WDR11: variants seen among roughly 807,000 people sequenced by gnomAD.
WDR11 encodes WD repeat-containing protein 11.
In WDR11, 83 loss-of-function variants were observed where a neutral mutation model predicts 151.2. That is an observed-to-expected ratio of 0.55 (90% CI 0.46 to 0.66). The LOEUF (loss-of-function observed/expected upper bound fraction) is 0.66, where lower values mean the gene tolerates loss of function less well. Ranked by LOEUF, WDR11 falls within the 30% of genes least tolerant of loss-of-function variation. The pLI is 0.00. For missense variants in WDR11, 1,301 were observed against 1,480.9 expected, an observed-to-expected ratio of 0.88 and a Z score of 1.99; for synonymous variants, 484 against 533.1, an observed-to-expected ratio of 0.91 and a Z score of 1.27.
Position 120,871,181 on chromosome 10 carries a change from A to T in WDR11, c.1306A>T (p.Ile436Phe). 6.2e-7 allele frequency: 1 copy of T among 1,614,156 alleles called. No individual in the cohort carries two copies. Among genetic ancestry groups the T allele is most frequent in the Admixed American group, 1.7e-5 (1 of 60,026 alleles). ...SLDNMIGQSA[I>F]AGEEHPRGSI... The stretch of plus-strand genomic sequence containing the variant: ...TTATTACAAATCAGGGCAAAGTGCA[A>T]TTGCTGGGGAAGAACATCCCAGAGG... Residue 436 changes from isoleucine (I) to phenylalanine (F), a missense_variant, in exon 10 of 29, where the codon ATT becomes TTT. Around this residue, in one of 3 missense-constraint regions of WDR11, gnomAD observed 692 missense variants for 762.5 expected, o/e 0.91. Coordinates refer to ENST00000263461, the MANE Select transcript of WDR11 (RefSeq NM_018117.12).
intron 11 of WDR11, among the ~76,000 whole-genome samples, chr10:120,876,045 C>G (rs767866124): frequency 3.9e-4 from 54 of 137,580 alleles, no homozygotes; most frequent in Non-Finnish European, 6.4e-4. Flanking sequence ...ATGGCGCTAT[C>G]TTAGCTCACT....
chr10:120,860,631 G>A (rs1846107165), intron 4 of WDR11, among the ~76,000 whole-genome samples: 2 of 152,180 alleles, frequency 1.3e-5, no homozygotes, highest in Admixed American at 6.5e-5. Context: ...GTTTCATTCA[G>A]TCTGTGGCCA....
At chr10:120,867,229 A>C in intron 9 of WDR11, 60 bp downstream of exon 9, 1 of 1,167,258 alleles carries the variant, frequency 8.6e-7, no homozygotes, top group South Asian at 1.2e-5. Flanking sequence ...CAAAATTAAT[A>C]GAATCACTCA....
chr10:120,907,375 A>G (rs1197728576), intron 28 of WDR11: 1 of 162,430 alleles, frequency 6.2e-6, no homozygotes, highest in East Asian at 1.7e-4. Flanking sequence ...CAGCCAGAAC[A>G]TTTTATTTCT....
intron 13 of WDR11, among the ~76,000 whole-genome samples, chr10:120,882,156 G>A (rs1047850638): frequency 1.6e-4 from 25 of 152,126 alleles, no homozygotes; most frequent in African/African-American, 6.0e-4. Context: ...CACTAATATG[G>A]TGAATTACAT....
In WDR11 at chr10:120,885,480, C is replaced by G. The variant is rs4372362; in HGVS notation, c.1849-334C>G. ...CTATGGATGATAAAGGACCCTGGTTCGAGAACTGTGATTGTCTTATCGTGT... is the reference window on the plus strand; with the variant it reads ...CTATGGATGATAAAGGACCCTGGTTGGAGAACTGTGATTGTCTTATCGTGT... On this transcript the variant is annotated intron_variant, in intron 14 of 28. Coordinates refer to ENST00000263461, the MANE Select transcript of WDR11 (RefSeq NM_018117.12). Among the ~76,000 whole-genome samples, 56,587 of 151,786 alleles carry G rather than the reference C, an allele frequency of 0.37. 10,642 individuals carry two copies. Among genetic ancestry groups the G allele is most frequent in the Admixed American group, 0.44 (6,699 of 15,232 alleles).
chr10:120,879,040 G>A (rs1360426350), intron 12 of WDR11: 1 of 152,168 alleles, frequency 6.6e-6, no homozygotes, highest in Non-Finnish European at 1.5e-5. Context: ...AATAAGGAAA[G>A]AGTTTCAAAT....
rs1316061947 is a variant in WDR11 at position 120,874,189 on chromosome 10, TTTTGTTGTTGTTGTTGTTGTTTG to T, written c.1556+270_1556+292del. 3.7e-3 allele frequency among the ~76,000 whole-genome samples: 371 copies of T among 101,148 alleles called. 8 individuals are homozygous for T. Among genetic ancestry groups the T allele is most frequent in the Non-Finnish European group, 5.8e-3 (278 of 47,988 alleles). 66.4% of individuals were successfully genotyped at this position (101,148 alleles called of 152,430 possible). A position where few individuals can be genotyped will look rare whatever the true frequency, so the allele number is the denominator to read the frequency against. ...GCGGTTTTTGCAGTTTTTTTTTTTT[TTTTGTTGTTGTTGTTGTTGTTTG>T]TTTTGTTTTGTTTTGTTTTTTTTAA... is the stretch of plus-strand genomic sequence containing the variant. On this transcript the variant is annotated intron_variant, in intron 11 of 28. Coordinates refer to ENST00000263461, the MANE Select transcript of WDR11 (RefSeq NM_018117.12).
chr10:120,852,177 A>G, intron 1 of WDR11: 1 of 314,030 alleles, frequency 3.2e-6, no homozygotes, highest in East Asian at 8.1e-5. Flanking sequence ...TAGTCGCAGT[A>G]TCCCCAGGCA....
intron 11 of WDR11, among the ~76,000 whole-genome samples, chr10:120,875,983 T>C (rs1017691568): frequency 6.8e-5 from 10 of 147,688 alleles, no homozygotes; most frequent in African/African-American, 2.5e-4. Context: ...TTTTTCTTTT[T>C]TTTTTTTTTT....
At chr10:120,873,723 G>T in intron 10 of WDR11, 116 bp from the exon 11 acceptor site, 1 of 756,248 alleles carries the variant, frequency 1.3e-6, no homozygotes, top group East Asian at 2.5e-5. Flanking sequence ...CATAGTTTGG[G>T]TTTCTTTTAT....
intron 4 of WDR11, 65 bp from the exon 5 acceptor site, chr10:120,862,670 T>G: frequency 6.6e-7 from 1 of 1,514,648 alleles, no homozygotes; most frequent in Non-Finnish European, 9.2e-7. Flanking sequence ...CAAAATTGTA[T>G]TGGAATAAAA....
At chr10:120,854,776 G>C (rs1845891904) in intron 2 of WDR11, among the ~76,000 whole-genome samples, 1 of 151,980 alleles carries the variant, frequency 6.6e-6, no homozygotes, top group Non-Finnish European at 1.5e-5. Context: ...TGTGCTTATT[G>C]GCCATTTGTA....
At chr10:120,883,717 T>C (rs1224484446) in intron 13 of WDR11, 63 bp from the exon 14 acceptor site, 11 of 1,400,376 alleles carry the variant, frequency 7.9e-6, no homozygotes, top group Middle Eastern at 1.8e-4. Flanking sequence ...ACTTTTTATT[T>C]GCTCTAATTC....
chr10:120,908,475 C>T (rs151080896), intron 28 of WDR11, 81 bp from the exon 29 acceptor site: 12 of 1,487,422 alleles, frequency 8.1e-6, no homozygotes, highest in Non-Finnish European at 1.1e-5. Context: ...GCAGACGCGA[C>T]TCACCCTTCC....
rs1846269714 is a variant in WDR11, at chr10:120,865,194, A to G, written c.861A>G (p.Thr287=). Residue 287 remains threonine, a synonymous_variant, in exon 6 of 29, where the codon ACA becomes ACG. Coordinates refer to ENST00000263461, the MANE Select transcript of WDR11 (RefSeq NM_018117.12). ...QTVGVIAIER[T]GVPFLQVIPC... Reference sequence around the variant, plus strand: ...TGGGTGTGATTGCAATAGAACGCACAGGAGTTCCATTTTTACAGGTATCTA... The same window carrying G: ...TGGGTGTGATTGCAATAGAACGCACGGGAGTTCCATTTTTACAGGTATCTA... 6.2e-7 allele frequency: 1 copy of G among 1,613,806 alleles called. No homozygotes were observed. The highest frequency in any genetic ancestry group is 1.3e-5 in the African/African-American group (1 of 74,950).
At chr10:120,882,169 A>G (rs1203661523) in intron 13 of WDR11, among the ~76,000 whole-genome samples, 1 of 151,996 alleles carries the variant, frequency 6.6e-6, no homozygotes, top group African/African-American at 2.4e-5. Flanking sequence ...AATTACATTG[A>G]TTGATTTTCA....
intron 11 of WDR11, among the ~76,000 whole-genome samples, chr10:120,874,184 T>TG (rs1207191065): frequency 6.3e-4 from 39 of 62,384 alleles, no homozygotes; most frequent in African/African-American, 9.7e-4. Flanking sequence ...CAGTTTTTTT[T>TG]TTTTTTTTGT....
rs769921316 is a variant in WDR11 at position 120,866,585 on chromosome 10, G to A, written c.1011G>A (p.Gln337=). 7 of 1,613,990 alleles carry A rather than the reference G, an allele frequency of 4.3e-6. No individual in the cohort carries two copies. The highest frequency in any genetic ancestry group is 5.1e-6 in the Non-Finnish European group (6 of 1,180,030). Residue 337 remains glutamine (Q), a synonymous_variant, in exon 8 of 29, where the codon CAG becomes CAA. Transcript: ENST00000263461. ...SNEEPDPDPV[Q]ELTYDLRSQC... ...TATGTGAAGATCCAGATCCAGTTCAGGAGCTTACCTATGATTTACGAAGCC... is the reference window on the plus strand; with the variant it reads ...TATGTGAAGATCCAGATCCAGTTCAAGAGCTTACCTATGATTTACGAAGCC...
Sources: allele counts gnomAD v4.1 joint callset (sites outside exome capture counted in the v4.1 genomes callset), GRCh38; gene constraint gnomAD v4.1.1; regional missense constraint gnomAD v4.1.1; transcripts MANE v1.5; gene names NCBI Gene and HGNC (gene_info 2026-07-23, HGNC 2026-07-21).